Variants in TVP23A observed in about 807,000 individuals in gnomAD.
TVP23A encodes the protein trans-golgi network vesicle protein 23 homolog A.
A neutral mutation model predicts 31.7 loss-of-function variants in TVP23A; 21 were observed. That is an observed-to-expected ratio of 0.66 (90% confidence interval 0.47 to 0.95). The LOEUF is 0.95. TVP23A is among the 40% of genes least tolerant of loss of function. TVP23A has a pLI of 0.00. For synonymous variants in TVP23A, 104 were observed against 96.0 expected (o/e 1.08, Z -0.49); for missense variants, 279 against 255.6 (o/e 1.09, Z -0.62).
At chr16:10,787,170 G>C (rs1377650801) in intron 2 of TVP23A, among the ~76,000 whole-genome samples, 1 of 152,102 alleles carries the variant, frequency 6.6e-6, no homozygotes, top group Admixed American at 6.6e-5. Flanking sequence ...ATGCTTGCTG[G>C]GTATGCAGTC....
chr16:10,758,269 G>A (rs985166574), downstream of TVP23A, among the ~76,000 whole-genome samples: 5 of 152,124 alleles, frequency 3.3e-5, no homozygotes, highest in African/African-American at 1.2e-4. Context: ...CCACGAGTTC[G>A]GGACCAGCCT....
At chr16:10,797,121 C>T (rs550412360) in intron 2 of TVP23A, among the ~76,000 whole-genome samples, 7 of 150,134 alleles carry the variant, frequency 4.7e-5, no homozygotes, top group Non-Finnish European at 7.4e-5. Flanking sequence ...CAGGGGAGGT[C>T]GAGGCTATAA....
intron 2 of TVP23A, among the ~76,000 whole-genome samples, chr16:10,816,168 A>G (rs1416133061): frequency 1.3e-5 from 2 of 151,238 alleles, no homozygotes; most frequent in Non-Finnish European, 2.9e-5. Context: ...TTGAGGTTCC[A>G]GTGAGCCATA....
chr16:10,790,487 G>A (rs1461171795), intron 2 of TVP23A, among the ~76,000 whole-genome samples: 16 of 151,958 alleles, frequency 1.1e-4, no homozygotes, highest in South Asian at 6.2e-4. Flanking sequence ...GGGTTTCACC[G>A]TGTTAGCCAG....
downstream of TVP23A, chr16:10,760,799 G>T (rs1368659847): frequency 6.6e-6 from 1 of 152,380 alleles, no homozygotes; most frequent in Non-Finnish European, 1.5e-5. Context: ...GAAGTAAATA[G>T]CACCTCGAAC....
At chr16:10,774,213 C>G (rs1240109182) in intron 3 of TVP23A, 85 bp from the exon 4 acceptor site, 1 of 1,007,712 alleles carries the variant, frequency 9.9e-7, no homozygotes, top group East Asian at 2.7e-5. Flanking sequence ...TTCCTTGATT[C>G]ATTTCAGACT....
At chr16:10,807,486 C>T (rs755202196) in intron 2 of TVP23A, among the ~76,000 whole-genome samples, 3 of 152,144 alleles carry the variant, frequency 2.0e-5, no homozygotes, top group African/African-American at 4.8e-5. Flanking sequence ...CAACCAGGGG[C>T]AATGTGGCTG....
chr16:10,763,270 T>C (rs933330467), downstream of TVP23A, among the ~76,000 whole-genome samples: 8 of 151,332 alleles, frequency 5.3e-5, no homozygotes, highest in South Asian at 2.1e-4. Context: ...CCACAGGACA[T>C]GGACAGGATT....
At chr16:10,791,042 T>C (rs889148802) in intron 2 of TVP23A, among the ~76,000 whole-genome samples, 5 of 152,124 alleles carry the variant, frequency 3.3e-5, no homozygotes, top group African/African-American at 7.2e-5. Flanking sequence ...ATTCAGTTGG[T>C]TGGGGGGCTT....
In TVP23A at chr16:10,818,363, A is replaced by ACCGGGTGCAGCCCAGCC; in HGVS notation, c.9+105_9+121dup. 6.9e-7 allele frequency: 1 copy of ACCGGGTGCAGCCCAGCC among 1,456,980 alleles called. No individual in the cohort carries two copies. The highest frequency in any genetic ancestry group is 9.3e-7 in the Non-Finnish European group (1 of 1,075,578). 90.3% of individuals were successfully genotyped at this position (1,456,980 alleles called of 1,614,324 possible). ...CAAAGCCCTCTCCACCCTCCCGACCACCGGGTGCAGCCCAGCCCCAGGCCC... is the reference window on the plus strand; with the variant it reads ...CAAAGCCCTCTCCACCCTCCCGACCACCGGGTGCAGCCCAGCCCCGGGTGCAGCCCAGCCCCAGGCCC... On this transcript the variant is annotated intron_variant, in intron 1 of 7. Transcript: ENST00000299866. This position sits in a 1 kb window ranked among gnomAD's most constrained non-coding sequence, Gnocchi z 4.7.
intron 2 of TVP23A, among the ~76,000 whole-genome samples, chr16:10,801,739 C>T (rs766859046): frequency 1.6e-4 from 24 of 152,262 alleles, no homozygotes; most frequent in South Asian, 4.2e-4. Flanking sequence ...CATGAGCCAC[C>T]GCCCAGCCTC....
chr16:10,776,057 TTTA>T (rs1158643424), intron 2 of TVP23A, among the ~76,000 whole-genome samples: 1 of 151,570 alleles, frequency 6.6e-6, no homozygotes, highest in Non-Finnish European at 1.5e-5. Flanking sequence ...CCTTATTTTT[TTTA>T]TTATTATTAT....
At chr16:10,804,861 G>T (rs979091407) in intron 2 of TVP23A, among the ~76,000 whole-genome samples, 1 of 152,076 alleles carries the variant, frequency 6.6e-6, no homozygotes. Context: ...TGGCATGAAG[G>T]GAACAATTCA....
intron 2 of TVP23A, among the ~76,000 whole-genome samples, 193 bp downstream of exon 2, chr16:10,817,910 C>T (rs973102636): frequency 1.3e-5 from 2 of 152,218 alleles, no homozygotes; most frequent in African/African-American, 4.8e-5. Flanking sequence ...AACATCAACT[C>T]CACCCCTTCT....
intron 2 of TVP23A, among the ~76,000 whole-genome samples, chr16:10,789,762 T>C (rs1332729775): frequency 7.2e-6 from 1 of 139,580 alleles, no homozygotes; most frequent in Non-Finnish European, 1.5e-5. Context: ...ACCCAAGAGG[T>C]AGAGGTTGCA....
downstream of TVP23A, among the ~76,000 whole-genome samples, chr16:10,759,290 G>T (rs1017303012): frequency 1.3e-5 from 2 of 152,180 alleles, no homozygotes; most frequent in African/African-American, 4.8e-5. This position sits in a 1 kb window ranked among gnomAD's most constrained non-coding sequence, Gnocchi z 4.7. Flanking sequence ...CCATGGGAAG[G>T]GTGTCCGGGT....
In TVP23A at chr16:10,778,013, AAAAAT is replaced by A. The variant is rs1385413853; in HGVS notation, c.90-2922_90-2918del. Among the ~76,000 whole-genome samples, 3 of 151,362 alleles carry A rather than the reference AAAAAT, an allele frequency of 2.0e-5. No individual in the cohort carries two copies. In the East Asian group the frequency reaches 5.9e-4, roughly 30 times the overall value. ...TGACAGAGCGAGACTCCGTCTCAAAAAAAATAAAAATAAAAATAAAAGAAGAATTA... is the reference window on the plus strand; with the variant it reads ...TGACAGAGCGAGACTCCGTCTCAAAAAAAAATAAAAATAAAAGAAGAATTA... On this transcript the variant is annotated intron_variant, in intron 2 of 7. Transcript: ENST00000299866.
At chr16:10,776,846 T>C (rs1173358064) in intron 2 of TVP23A, among the ~76,000 whole-genome samples, 3 of 152,130 alleles carry the variant, frequency 2.0e-5, no homozygotes, top group African/African-American at 7.2e-5. Context: ...CTTCCAGACG[T>C]TGCCATGACA....
intron 2 of TVP23A, chr16:10,775,549 T>C: frequency 9.8e-7 from 1 of 1,020,170 alleles, no homozygotes; most frequent in Non-Finnish European, 1.2e-6. Context: ...TGCGTGTTCC[T>C]GGACAGAGGG....
Sources: allele counts gnomAD v4.1 joint callset (sites outside exome capture counted in the v4.1 genomes callset), GRCh38; gene constraint gnomAD v4.1.1; non-coding constraint Gnocchi (gnomAD v3.1); transcripts MANE v1.5; gene names NCBI Gene and HGNC (gene_info 2026-07-23, HGNC 2026-07-21).